PSME4: variants seen among roughly 807,000 people sequenced by gnomAD.
The protein encoded by PSME4 is proteasome activator complex subunit 4.
Under a neutral mutation model 253.9 loss-of-function variants are expected in PSME4, and 89 were observed. That is an observed-to-expected ratio of 0.35 (90% CI 0.30 to 0.42). The LOEUF is 0.42. PSME4 is among the 10% of genes least tolerant of loss of function. The pLI is 1.00. For synonymous variants in PSME4, 851 were observed against 759.2 expected (o/e 1.12, Z -1.99); for missense variants, 2,014 against 2,195.2 (o/e 0.92, Z 1.65).
intron 20 of PSME4, among the ~76,000 whole-genome samples, chr2:53,913,755 G>A (rs1321807723): frequency 6.6e-6 from 1 of 152,220 alleles, no homozygotes; most frequent in Non-Finnish European, 1.5e-5. Flanking sequence ...CTTATATGTT[G>A]CTAGATTTTA....
chr2:53,899,660 A>T (rs1388874044), intron 29 of PSME4, among the ~76,000 whole-genome samples: 1 of 151,960 alleles, frequency 6.6e-6, no homozygotes, highest in African/African-American at 2.4e-5. Context: ...TCTACTAAAA[A>T]TACAAAAATT....
chr2:53,918,658 G>A (rs536890324), intron 20 of PSME4, among the ~76,000 whole-genome samples: 36 of 152,140 alleles, frequency 2.4e-4, no homozygotes, highest in African/African-American at 6.5e-4. Context: ...CTTAAATGGC[G>A]GAGCTAACAA....
intron 26 of PSME4, among the ~76,000 whole-genome samples, 170 bp from the exon 27 acceptor site, chr2:53,904,326 C>T (rs1349431122): frequency 2.0e-5 from 3 of 152,072 alleles, no homozygotes; most frequent in African/African-American, 7.2e-5. Context: ...TTACTTATAT[C>T]AAAAGGAAAG....
intron 28 of PSME4, among the ~76,000 whole-genome samples, chr2:53,900,385 C>A (rs1339234732): frequency 6.6e-6 from 1 of 151,140 alleles, no homozygotes; most frequent in Non-Finnish European, 1.5e-5. Flanking sequence ...ACAGCAAGAC[C>A]CCTGTCTCTC....
Position 53,895,818 on chromosome 2 carries a change from C to CG in PSME4, c.3689-83_3689-82insC, listed in dbSNP as rs199800009. The CG allele has an allele frequency of 2.0e-4, 260 of 1,301,498 alleles. 2 individuals carry two copies. The East Asian group carries it at 6.0e-3, about 30-fold the overall frequency. 80.6% of individuals were successfully genotyped at this position (1,301,498 alleles called of 1,614,324 possible). On this transcript the variant is annotated intron_variant, in intron 32 of 46. Transcript: ENST00000404125. ...ACCAAATTTCAATCAACAGTACCAGCATAACTTTGTCTTCACAAAACAACA... is the reference window on the plus strand; with the variant it reads ...ACCAAATTTCAATCAACAGTACCAGCGATAACTTTGTCTTCACAAAACAACA...
intron 26 of PSME4, 124 bp downstream of exon 26, chr2:53,906,474 T>A: frequency 7.5e-7 from 1 of 1,341,962 alleles, no homozygotes; most frequent in Non-Finnish European, 9.7e-7. Flanking sequence ...CAATTTCCAA[T>A]AATTGAGAGA....
intron 3 of PSME4, among the ~76,000 whole-genome samples, chr2:53,942,714 A>T (rs1459960984): frequency 6.6e-6 from 1 of 152,192 alleles, no homozygotes. Context: ...TAGCCATAAT[A>T]AATTGTATTC....
chr2:53,906,492 C>A, intron 26 of PSME4, 106 bp downstream of exon 26: 4 of 1,374,402 alleles, frequency 2.9e-6, no homozygotes, highest in South Asian at 2.3e-5. Context: ...AGAATAATTC[C>A]AATTATGGGT....
chr2:53,936,659 T>C, intron 6 of PSME4, 105 bp downstream of exon 6: 1 of 777,302 alleles, frequency 1.3e-6, no homozygotes, highest in Middle Eastern at 2.5e-4. Context: ...TTCAAGTTAC[T>C]TACCAAATGA....
In PSME4 at chr2:53,941,648, G is replaced by C. The variant is rs534744972; in HGVS notation, c.501-1648C>G. Among the ~76,000 whole-genome samples the C allele has an allele frequency of 1.4e-3, 215 of 152,110 alleles. 2 individuals carry two copies. The highest frequency in any genetic ancestry group is 6.8e-3 in the South Asian group (33 of 4,826). On this transcript the variant is annotated intron_variant, in intron 3 of 46. Transcript: ENST00000404125. ...TCTTGGGTCTTCTTTTAGTAACAAA[G>C]TATAGAATTAACAGCTAAGGTTTAA...
intron 38 of PSME4, 121 bp from the exon 39 acceptor site, chr2:53,888,110 C>G: frequency 3.1e-6 from 3 of 954,776 alleles, no homozygotes; most frequent in Non-Finnish European, 4.4e-6. Context: ...TTAATAAATA[C>G]TACAATATCC....
In PSME4 at chr2:53,893,777, T is replaced by C; in HGVS notation, c.3935A>G (p.His1312Arg). Reference sequence around the variant, plus strand: ...CTCAACAAATTTAGGATCAGAAAAATGATCAAATATAATCTGTTCTGCCTA... The same window carrying C: ...CTCAACAAATTTAGGATCAGAAAAACGATCAAATATAATCTGTTCTGCCTA... ...MTEAEQIIFD[H>R]FSDPKFVEQL... The change falls in exon 35 of 47, where the codon CAT becomes CGT. Residue 1312 changes from histidine (H) to arginine (R), a missense_variant. This residue lies in a region of PSME4 where 989 missense variants were observed against 1,021.1 expected (regional missense o/e 0.97). Transcript: ENST00000404125. 1.9e-6 allele frequency: 3 copies of C among 1,609,558 alleles called. No homozygotes were observed. The highest frequency in any genetic ancestry group is 2.5e-6 in the Non-Finnish European group (3 of 1,177,780).
intron 20 of PSME4, among the ~76,000 whole-genome samples, chr2:53,917,977 T>G (rs536822830): frequency 2.0e-4 from 30 of 152,346 alleles, no homozygotes; most frequent in African/African-American, 7.0e-4. Context: ...TGACCCTAAC[T>G]TCTCCTTCTT....
intron 22 of PSME4, 89 bp downstream of exon 22, chr2:53,908,695 A>G: frequency 6.9e-7 from 1 of 1,447,322 alleles, no homozygotes; most frequent in Non-Finnish European, 9.4e-7. Flanking sequence ...AGAATAAAAA[A>G]CATTAAGTAA....
rs1193517313 is a variant in PSME4, at chr2:53,900,040, G to A, written c.3286-23C>T. The A allele has an allele frequency of 1.1e-5, 17 of 1,597,826 alleles. No individual in the cohort carries two copies. The Admixed American group carries it at 1.2e-4, about 12-fold the overall frequency. ...AATCTTGTTAAAAAGAAAAAAGCAG[G>A]AAAAAAAATGAAGTTCTGATGCATA... is the stretch of plus-strand genomic sequence containing the variant. On this transcript the variant is annotated intron_variant, in intron 28 of 46. Transcript: ENST00000404125.
At position 53,866,876 on chromosome 2, in the gene PSME4, C is replaced by A. The variant is rs201846830; in HGVS notation, c.5268G>T (p.Leu1756Phe). ...CTAGCACCCCAGCATGGCGTTTGAC[C>A]AACTCTGCAAAGAGAATAGCAACAT... ...SVGDTIPSAELVKRHAGVLGL... is the reference protein window; with the variant it reads ...SVGDTIPSAEFVKRHAGVLGL... Residue 1756 changes from leucine (L) to phenylalanine (F), a missense_variant, in exon 45 of 47, where the codon TTG becomes TTT. Leu to Phe is a conservative substitution (Grantham distance 22). Coordinates refer to ENST00000404125, the MANE Select transcript of PSME4 (RefSeq NM_014614.3). 778 of 1,613,192 alleles carry A rather than the reference C, an allele frequency of 4.8e-4. No homozygotes were observed. The highest frequency in any genetic ancestry group is 6.4e-4 in the Non-Finnish European group (757 of 1,179,678).
At chr2:53,921,479 T>C (rs1006867239) in intron 17 of PSME4, among the ~76,000 whole-genome samples, 17 of 150,684 alleles carry the variant, frequency 1.1e-4, no homozygotes, top group Non-Finnish European at 4.5e-5. Flanking sequence ...ACTCCTGACC[T>C]AGTGATCCGC....
chr2:53,923,287 T>C (rs1347492816), intron 15 of PSME4, 34 bp downstream of exon 15: 1 of 1,572,930 alleles, frequency 6.4e-7, no homozygotes, highest in South Asian at 1.2e-5. Context: ...GATTGTTGAG[T>C]CATTAATACA....
At chr2:53,948,871 G>C (rs182562951) in intron 2 of PSME4, among the ~76,000 whole-genome samples, 1 of 152,264 alleles carries the variant, frequency 6.6e-6, no homozygotes, top group African/African-American at 2.4e-5. Context: ...AAGAATCCAT[G>C]ATCTTTGTCT....
Sources: gnomAD v4.1 joint callset for allele counts (sites outside exome capture counted in the v4.1 genomes callset) on GRCh38, gnomAD v4.1.1 for gene constraint, gnomAD v4.1.1 regional missense constraint, MANE v1.5 for transcripts, NCBI Gene and HGNC (gene_info 2026-07-23, HGNC 2026-07-21) for gene names.